The following ADGRB1 variants were observed in gnomAD, a reference collection of about 807,000 sequenced individuals.
ADGRB1 encodes the protein adhesion G protein-coupled receptor B1.
Under a neutral mutation model 175.7 loss-of-function variants are expected in ADGRB1, and 36 were observed. The ratio of observed to expected loss-of-function variants is 0.20; its 90% CI spans 0.16 to 0.27. ADGRB1 has a LOEUF of 0.27. Ranked by LOEUF, ADGRB1 falls within the 10% of genes least tolerant of loss-of-function variation. ADGRB1 has a pLI of 1.00. For missense variants in ADGRB1, 1,731 were observed against 2,255.3 expected (o/e 0.77, Z 4.71); for synonymous variants, 1,054 against 979.4 (o/e 1.08, Z -1.42).
chr8:142,541,137 T>G (rs1470300174), intron 27 of ADGRB1, among the ~76,000 whole-genome samples: 2 of 150,812 alleles, frequency 1.3e-5, no homozygotes, highest in African/African-American at 4.9e-5. Flanking sequence ...CCCTGGGGTC[T>G]GGATCTTTGG....
intron 18 of ADGRB1, among the ~76,000 whole-genome samples, chr8:142,516,459 C>T (rs1223335370): frequency 1.8e-4 from 20 of 109,336 alleles, no homozygotes; most frequent in Admixed American, 1.3e-3. Context: ...TGTGTCTGTG[C>T]GGGCCCCAGA....
At chr8:142,475,896 C>CCGGGCTGGCCCTTGGGAGTG (rs1554606852) in intron 3 of ADGRB1, among the ~76,000 whole-genome samples, 1 of 145,216 alleles carries the variant, frequency 6.9e-6, no homozygotes, top group Non-Finnish European at 1.5e-5. Flanking sequence ...GACCTAAACT[C>CCGGGCTGGCCCTTGGGAGTG]GGGGCTGGCC....
At chr8:142,527,841 A>G (rs527464677) in intron 24 of ADGRB1, among the ~76,000 whole-genome samples, 2 of 152,352 alleles carry the variant, frequency 1.3e-5, no homozygotes, top group Admixed American at 6.5e-5. Context: ...TTCTATGGTT[A>G]TAGTCCCATC....
intron 12 of ADGRB1, 86 bp downstream of exon 12, chr8:142,484,131 T>G (rs1841535351): frequency 4.0e-6 from 5 of 1,245,392 alleles, no homozygotes; most frequent in Non-Finnish European, 5.7e-6. Context: ...CGGCCTGGGG[T>G]GGGGTCCCGC....
At chr8:142,462,213 C>T (rs76599288) in intron 1 of ADGRB1, among the ~76,000 whole-genome samples, 7,612 of 152,204 alleles carry the variant, frequency 0.05, 495 homozygotes, top group African/African-American at 0.15. Flanking sequence ...CTTGGGAGCC[C>T]GGAATGTTTG....
At chr8:142,516,459 C>CAT (rs1843441654) in intron 18 of ADGRB1, among the ~76,000 whole-genome samples, 2 of 109,362 alleles carry the variant, frequency 1.8e-5, no homozygotes, top group Non-Finnish European at 3.6e-5. Flanking sequence ...TGTGTCTGTG[C>CAT]GGGCCCCAGA....
chr8:142,475,353 C>G (rs1489908446), intron 2 of ADGRB1, 121 bp from the exon 3 acceptor site: 2 of 1,056,194 alleles, frequency 1.9e-6, no homozygotes, highest in Admixed American at 4.2e-5. Context: ...CAGGCCTTCC[C>G]CGGCACTGCG....
rs554046488 is a variant in ADGRB1, at chr8:142,474,964, G to A, written c.785-510G>A. The stretch of plus-strand genomic sequence containing the variant: ...GTATACCTGCGTGGGGTGAAGAAGC[G>A]GCTCCAGGTCACAGCTGGGGTGTGA... On this transcript the variant is annotated intron_variant, in intron 2 of 30. Coordinates refer to ENST00000517894, the MANE Select transcript of ADGRB1 (RefSeq NM_001702.3). The surrounding 1 kb of genome is among the most constrained non-coding windows in gnomAD (Gnocchi z 5.8). Among the ~76,000 whole-genome samples the A allele has an allele frequency of 1.3e-5, 2 of 152,244 alleles. No individual in the cohort carries two copies. Among genetic ancestry groups the A allele is most frequent in the East Asian group, 1.9e-4 (1 of 5,156 alleles).
rs1445268318 is a variant in ADGRB1 at position 142,493,709 on chromosome 8, C to G, written c.2675+2894C>G. Among the ~76,000 whole-genome samples, 1 of 152,272 alleles carries G rather than the reference C, an allele frequency of 6.6e-6. No individual in the cohort carries two copies. The highest frequency in any genetic ancestry group is 2.4e-5 in the African/African-American group (1 of 41,474). ...GAGACTCCTACAGTCCCGCTGAAAG[C>G]ACAGCGCAGTGATCGAGGCCTTCTG... On this transcript the variant is annotated intron_variant, in intron 17 of 30. Transcript: ENST00000517894. This position sits in a 1 kb window ranked among gnomAD's most constrained non-coding sequence, Gnocchi z 5.0.
Position 142,464,441 on chromosome 8 carries a change from T to A in ADGRB1, c.243T>A (p.Thr81=). Residue 81 remains threonine, a synonymous_variant, in exon 2 of 31, where the codon ACT becomes ACA. Transcript: ENST00000517894. ...TLRNPDPRRY[T]LYMKVAKAPV... Reference sequence around the variant, plus strand: ...GCAACCCGGACCCGCGGCGCTACACTCTCTACATGAAGGTGGCCAAGGCGC... The same window carrying A: ...GCAACCCGGACCCGCGGCGCTACACACTCTACATGAAGGTGGCCAAGGCGC... The A allele has an allele frequency of 6.4e-7, 1 of 1,571,644 alleles. No homozygotes were observed. Among genetic ancestry groups the A allele is most frequent in the South Asian group, 1.2e-5 (1 of 85,432 alleles).
chr8:142,478,394 C>T (rs1332388098), intron 7 of ADGRB1, 34 bp downstream of exon 7: 4 of 1,552,710 alleles, frequency 2.6e-6, no homozygotes, highest in African/African-American at 1.4e-5. Flanking sequence ...TCGGGGGGCA[C>T]CTAACAAGCA....
At chr8:142,539,283 G>T in intron 26 of ADGRB1, 91 bp from the exon 27 acceptor site, 1 of 1,348,376 alleles carries the variant, frequency 7.4e-7, no homozygotes, top group Non-Finnish European at 1.0e-6. Context: ...GGCAGCAGGA[G>T]CACCGTGGCC....
chr8:142,483,866 C>A, intron 11 of ADGRB1, 111 bp from the exon 12 acceptor site: 1 of 1,141,086 alleles, frequency 8.8e-7, no homozygotes. Flanking sequence ...TGATCCTGGT[C>A]ACATATTCAG....
intron 26 of ADGRB1, among the ~76,000 whole-genome samples, chr8:142,538,183 C>T (rs1845050463): frequency 6.6e-6 from 1 of 152,232 alleles, no homozygotes; most frequent in African/African-American, 2.4e-5. Context: ...CATGGTGCCA[C>T]CTTTCTGGGC....
chr8:142,478,707 T>TGGGGAAGTGGAG (rs1841145610), intron 7 of ADGRB1, among the ~76,000 whole-genome samples: 1 of 132,280 alleles, frequency 7.6e-6, no homozygotes, highest in Non-Finnish European at 1.6e-5. Flanking sequence ...CTTGGGGTGT[T>TGGGGAAGTGGAG]TCTGGGGGAA....
In ADGRB1 at chr8:142,522,085, A is replaced by C; in HGVS notation, c.3145A>C (p.Ile1049Leu). The change falls in exon 21 of 31, where the codon ATC (isoleucine) becomes CTC (leucine). Residue 1049 changes from isoleucine (I) to leucine (L), a missense_variant. This residue lies in a region of ADGRB1 where 301 missense variants were observed against 488.4 expected (regional missense o/e 0.62). Coordinates refer to ENST00000517894, the MANE Select transcript of ADGRB1 (RefSeq NM_001702.3). ...GACGGGCCACCTCCGGAACCGCCTC[A>C]TCCGCAAGCGCTTCCTCTGCCTGGG... is the stretch of plus-strand genomic sequence containing the variant. ...AVTGHLRNRLIRKRFLCLGWG... is the reference protein window; with the variant it reads ...AVTGHLRNRLLRKRFLCLGWG... The C allele has an allele frequency of 6.2e-7, 1 of 1,611,640 alleles. No homozygotes were observed.
intron 17 of ADGRB1, among the ~76,000 whole-genome samples, chr8:142,503,149 C>T (rs1842702873): frequency 6.6e-6 from 1 of 151,582 alleles, no homozygotes; most frequent in Admixed American, 6.6e-5. Context: ...AGCCCAAGCC[C>T]CCTGAGGGAA....
At chr8:142,495,634 C>T (rs531871760) in intron 17 of ADGRB1, among the ~76,000 whole-genome samples, 5 of 152,040 alleles carry the variant, frequency 3.3e-5, no homozygotes, top group Middle Eastern at 3.4e-3. Context: ...TGGCTTGTGG[C>T]GGCGTCACTC....
In ADGRB1 at chr8:142,511,144, C is replaced by CAG; in HGVS notation, c.2817+71_2817+72insAG. 9.8e-7 allele frequency: 1 copy of CAG among 1,019,966 alleles called. No individual in the cohort carries two copies. The highest frequency in any genetic ancestry group is 1.2e-6 in the Non-Finnish European group (1 of 848,932). The allele number at this position is 1,019,966 out of a possible 1,614,324, so 63.2% of individuals were successfully genotyped here. On this transcript the variant is annotated intron_variant, in intron 18 of 30. Coordinates refer to ENST00000517894, the MANE Select transcript of ADGRB1 (RefSeq NM_001702.3). The surrounding 1 kb of genome is among the most constrained non-coding windows in gnomAD (Gnocchi z 4.5). ...CGGGCGGGGGCTGCCGGCGGGCCTG[C>CAG]GGGTGGGGAGGGCCCGCACCCGTCC...
Sources: gnomAD v4.1 joint callset for allele counts (sites outside exome capture counted in the v4.1 genomes callset) on GRCh38, gnomAD v4.1.1 for gene constraint, gnomAD v4.1.1 regional missense constraint, Gnocchi (gnomAD v3.1) non-coding constraint, MANE v1.5 for transcripts, NCBI Gene and HGNC (gene_info 2026-07-23, HGNC 2026-07-21) for gene names.